The following IGSF21 variants were observed in gnomAD, a reference collection of about 807,000 sequenced individuals.
IGSF21 encodes the protein immunoglobin superfamily member 21.
A neutral mutation model predicts 46.8 loss-of-function variants in IGSF21; 28 were observed. The observed-to-expected ratio is 0.60, with a 90% CI of 0.44 to 0.82. The LOEUF (loss-of-function observed/expected upper bound fraction) is 0.82. IGSF21 is among the 40% of genes least tolerant of loss of function. The pLI, the probability that IGSF21 is intolerant of heterozygous loss-of-function variation, is 0.00. For missense variants in IGSF21, 624 were observed against 665.5 expected (o/e 0.94, Z 0.69); for synonymous variants, 284 against 273.6 (o/e 1.04, Z -0.38).
At chr1:18,173,671 T>C (rs1045894095) in intron 1 of IGSF21, among the ~76,000 whole-genome samples, 2 of 152,272 alleles carry the variant, frequency 1.3e-5, no homozygotes, top group South Asian at 4.1e-4. Flanking sequence ...TTTTTATTGC[T>C]GTGTAGTATT....
At chr1:18,362,343 G>A in intron 5 of IGSF21, 113 bp downstream of exon 5, 1 of 745,264 alleles carries the variant, frequency 1.3e-6, no homozygotes, top group Non-Finnish European at 2.3e-6. Context: ...GTTGGCCAGG[G>A]CTGACTCTGT....
At chr1:18,275,406 C>A (rs1313461299) in intron 2 of IGSF21, among the ~76,000 whole-genome samples, 3 of 152,156 alleles carry the variant, frequency 2.0e-5, no homozygotes, top group Non-Finnish European at 2.9e-5. Context: ...CAATCCCGTC[C>A]CATTCTTGGA....
In IGSF21 at chr1:18,362,237, AC is replaced by A. The variant is rs2086109005; in HGVS notation, c.540+11del. 2 of 1,593,758 alleles carry A rather than the reference AC, an allele frequency of 1.3e-6. No homozygotes were observed. Among genetic ancestry groups the A allele is most frequent in the South Asian group, 1.1e-5 (1 of 88,914 alleles). On this transcript the variant is annotated splice_region_variant and intron_variant, in intron 5 of 9. Transcript: ENST00000251296. ...AGGAAAACCAGCACCCATGGTGAGT[AC>A]CCCTGGAGTGCCCAGCTCCTTCCTA... is the stretch of plus-strand genomic sequence containing the variant.
Position 18,377,448 on chromosome 1 carries a change from A to T in IGSF21, c.1333+17A>T. 1 of 1,610,756 alleles carries T rather than the reference A, an allele frequency of 6.2e-7. No individual in the cohort carries two copies. The highest frequency in any genetic ancestry group is 1.1e-5 in the South Asian group (1 of 91,012). ...ACTCTAATGGTAAGTCTCTACCCTC[A>T]GGATTTTTTGCTTAAAAGGGAGTGG... On this transcript the variant is annotated intron_variant, in intron 9 of 9. Coordinates refer to ENST00000251296, the MANE Select transcript of IGSF21 (RefSeq NM_032880.5).
chr1:18,182,643 C>A (rs1393120451), intron 1 of IGSF21, among the ~76,000 whole-genome samples: 3 of 152,120 alleles, frequency 2.0e-5, no homozygotes, highest in Non-Finnish European at 4.4e-5. Flanking sequence ...TCTCTGTCAC[C>A]ACTGTTGAAT....
At position 18,362,052 on chromosome 1, in the gene IGSF21, C is replaced by T. The variant is rs2086106466; in HGVS notation, c.425-63C>T. ...ATGGACGTGGCCCATCTTAGGTCAT[C>T]AGTGAACTCTTCCTGAATCTCCCAG... On this transcript the variant is annotated intron_variant, in intron 4 of 9. Coordinates refer to ENST00000251296, the MANE Select transcript of IGSF21 (RefSeq NM_032880.5). 6.6e-6 allele frequency: 8 copies of T among 1,209,180 alleles called. No homozygotes were observed. The South Asian group carries it at 1.1e-4, about 16-fold the overall frequency. 74.9% of individuals were successfully genotyped at this position (1,209,180 alleles called of 1,614,324 possible).
At chr1:18,353,273 G>C (rs1320726490) in intron 4 of IGSF21, among the ~76,000 whole-genome samples, 1 of 151,594 alleles carries the variant, frequency 6.6e-6, no homozygotes, top group Non-Finnish European at 1.5e-5. Context: ...GGTGGGATCT[G>C]TCTCTTCGGG....
intron 3 of IGSF21, among the ~76,000 whole-genome samples, chr1:18,299,714 A>G (rs914306727): frequency 1.3e-5 from 2 of 152,006 alleles, no homozygotes; most frequent in Non-Finnish European, 2.9e-5. Flanking sequence ...TCTCTCTCCC[A>G]CCCAGAGTTC....
chr1:18,167,184 G>T (rs774003757), intron 1 of IGSF21, among the ~76,000 whole-genome samples: 18 of 152,290 alleles, frequency 1.2e-4, no homozygotes, highest in Admixed American at 5.2e-4. Context: ...GGCACGGATC[G>T]CAGAGGGCTT....
chr1:18,187,794 G>C (rs551721926), intron 1 of IGSF21, among the ~76,000 whole-genome samples: 2 of 152,192 alleles, frequency 1.3e-5, no homozygotes, highest in Admixed American at 1.3e-4. Flanking sequence ...TTTCTGGGGG[G>C]GTGGGGGAGA....
At chr1:18,181,044 C>T (rs184743211) in intron 1 of IGSF21, among the ~76,000 whole-genome samples, 22 of 152,286 alleles carry the variant, frequency 1.4e-4, no homozygotes, top group Middle Eastern at 3.4e-3. Context: ...ATCCCTGCAT[C>T]GGGCAGGGCT....
intron 1 of IGSF21, among the ~76,000 whole-genome samples, chr1:18,146,004 A>C (rs2086463962): frequency 6.6e-6 from 1 of 152,096 alleles, no homozygotes; most frequent in Admixed American, 6.5e-5. Flanking sequence ...CAGTGAATGA[A>C]GAGTGGGCTT....
chr1:18,378,396 T>C lies in IGSF21; in HGVS notation c.*70T>C. 1 of 1,273,350 alleles carries C rather than the reference T, an allele frequency of 7.9e-7. No homozygotes were observed. The highest frequency in any genetic ancestry group is 1.1e-6 in the Non-Finnish European group (1 of 890,220). 78.9% of individuals were successfully genotyped at this position (1,273,350 alleles called of 1,614,324 possible). ...ACCGGTTTTCATTTCTTTTCTAAAC[T>C]ATTTCCAGTCTTGTTCTTAGTCTCT... On this transcript the variant is annotated 3_prime_UTR_variant, in exon 10 of 10. Transcript: ENST00000251296.
At chr1:18,260,596 G>A (rs1370332179) in intron 2 of IGSF21, among the ~76,000 whole-genome samples, 4 of 152,318 alleles carry the variant, frequency 2.6e-5, no homozygotes, top group South Asian at 4.1e-4. Context: ...GAATTATGTG[G>A]CCATTTCTAG....
chr1:18,218,161 C>T (rs2084471671), intron 1 of IGSF21, among the ~76,000 whole-genome samples: 1 of 152,114 alleles, frequency 6.6e-6, no homozygotes, highest in African/African-American at 2.4e-5. Flanking sequence ...GCTGGGAGGC[C>T]TTGGGAAACT....
intron 2 of IGSF21, among the ~76,000 whole-genome samples, chr1:18,280,994 C>T (rs766068156): frequency 8.5e-5 from 13 of 152,182 alleles, no homozygotes; most frequent in South Asian, 2.1e-4. Context: ...TGCTGCTGAG[C>T]GAGCACCTGC....
chr1:18,124,233 C>A (rs961892730), intron 1 of IGSF21, among the ~76,000 whole-genome samples: 1 of 152,222 alleles, frequency 6.6e-6, no homozygotes, highest in Admixed American at 6.5e-5. Context: ...CTCGTCCTCA[C>A]CTGCAAAGTG....
intron 2 of IGSF21, among the ~76,000 whole-genome samples, chr1:18,254,394 A>G (rs2084870987): frequency 6.6e-6 from 1 of 151,768 alleles, no homozygotes; most frequent in South Asian, 2.1e-4. Context: ...CCCTAACCTT[A>G]TCTAGCTCCA....
At chr1:18,163,236 A>G (rs2086644491) in intron 1 of IGSF21, among the ~76,000 whole-genome samples, 1 of 152,142 alleles carries the variant, frequency 6.6e-6, no homozygotes, top group African/African-American at 2.4e-5. Context: ...GTTGGGCAAA[A>G]AAGAAAAAAA....
Sources: gnomAD v4.1 joint callset for allele counts (sites outside exome capture counted in the v4.1 genomes callset) on GRCh38, gnomAD v4.1.1 for gene constraint, MANE v1.5 for transcripts, NCBI Gene and HGNC (gene_info 2026-07-23, HGNC 2026-07-21) for gene names.